The following SNAP91 variants were observed in gnomAD, a reference collection of about 807,000 sequenced individuals.
The protein encoded by SNAP91 is clathrin coat assembly protein AP180.
SNAP91 carries 27 observed loss-of-function variants against 100.3 expected under a neutral mutation model. That is an observed-to-expected ratio of 0.27 (90% CI 0.20 to 0.37). The LOEUF is 0.37. Among genes scored for constraint, SNAP91 ranks in the 10% least tolerant of loss-of-function variants. The probability of loss-of-function intolerance (pLI) is 1.00; values close to 1 mark genes in which losing one functional copy is unlikely to be tolerated. For missense variants in SNAP91, 986 were observed against 1,123.7 expected (o/e 0.88, Z 1.75); for synonymous variants, 404 against 398.6 (o/e 1.01, Z -0.16).
At chr6:83,635,691 T>C (rs2097411488) in intron 8 of SNAP91, among the ~76,000 whole-genome samples, 1 of 152,046 alleles carries the variant, frequency 6.6e-6, no homozygotes, top group Non-Finnish European at 1.5e-5. Flanking sequence ...TTAGTATTCA[T>C]ATGTGAGGTT....
chr6:83,582,552 G>A (rs1406561100), intron 22 of SNAP91, among the ~76,000 whole-genome samples, 196 bp from the exon 23 acceptor site: 1 of 151,290 alleles, frequency 6.6e-6, no homozygotes, highest in Non-Finnish European at 1.5e-5. Context: ...ATTAATGAGA[G>A]ATTTAATTTA....
intron 2 of SNAP91, chr6:83,686,102 G>T: frequency 1.1e-6 from 1 of 921,982 alleles, no homozygotes; most frequent in Non-Finnish European, 1.3e-6. Context: ...TGTTTGTTGT[G>T]AACCTGGAAC....
chr6:83,705,724 T>A (rs181963809), intron 2 of SNAP91, among the ~76,000 whole-genome samples: 7 of 151,642 alleles, frequency 4.6e-5, no homozygotes, highest in Non-Finnish European at 7.4e-5. Context: ...GGCAGGAGAA[T>A]CACTCGAACC....
At chr6:83,654,345 T>C (rs1476038998) in intron 7 of SNAP91, among the ~76,000 whole-genome samples, 3 of 152,182 alleles carry the variant, frequency 2.0e-5, no homozygotes, top group Admixed American at 1.3e-4. Context: ...AGAAGAGCTG[T>C]TGATTTTTCA....
At chr6:83,600,098 A>C (rs2094991814) in intron 16 of SNAP91, among the ~76,000 whole-genome samples, 1 of 152,150 alleles carries the variant, frequency 6.6e-6, no homozygotes, top group African/African-American at 2.4e-5. Context: ...GTGACTCTTT[A>C]TTCAAGGGTC....
intron 12 of SNAP91, 97 bp downstream of exon 12, chr6:83,610,553 A>G (rs1377947958): frequency 9.4e-6 from 4 of 425,372 alleles, no homozygotes; most frequent in African/African-American, 6.2e-5. Flanking sequence ...TTGTACAACA[A>G]TGTTAAGGTA....
chr6:83,699,158 C>A (rs1245169795), intron 2 of SNAP91, among the ~76,000 whole-genome samples: 2 of 152,014 alleles, frequency 1.3e-5, no homozygotes, highest in African/African-American at 2.4e-5. Flanking sequence ...GAAGTACTAG[C>A]CAACATGACC....
At chr6:83,685,181 C>A (rs142878345) in intron 2 of SNAP91, among the ~76,000 whole-genome samples, 1 of 152,162 alleles carries the variant, frequency 6.6e-6, no homozygotes, top group African/African-American at 2.4e-5. Flanking sequence ...CATGTTAACA[C>A]AGTTGCCAGG....
At chr6:83,584,734 G>A (rs548485904) in intron 22 of SNAP91, among the ~76,000 whole-genome samples, 1 of 152,226 alleles carries the variant, frequency 6.6e-6, no homozygotes, top group Admixed American at 6.5e-5. Context: ...ACCCCATGAG[G>A]TTCAAAGATG....
At chr6:83,622,678 C>T (rs2096777177) in intron 9 of SNAP91, among the ~76,000 whole-genome samples, 1 of 150,922 alleles carries the variant, frequency 6.6e-6, no homozygotes, top group Non-Finnish European at 1.5e-5. Context: ...GACCTTGAAT[C>T]TATATATTAG....
chr6:83,667,453 A>G (rs1336830870), intron 2 of SNAP91, among the ~76,000 whole-genome samples: 5 of 152,058 alleles, frequency 3.3e-5, no homozygotes, highest in Non-Finnish European at 5.9e-5. Flanking sequence ...TTGAGTAAGA[A>G]ATTAAAAAGA....
At chr6:83,650,237 T>G (rs2098138108) in intron 7 of SNAP91, among the ~76,000 whole-genome samples, 1 of 152,222 alleles carries the variant, frequency 6.6e-6, no homozygotes, top group Non-Finnish European at 1.5e-5. Flanking sequence ...TTGCAATAGT[T>G]AATAAAATCT....
intron 2 of SNAP91, among the ~76,000 whole-genome samples, chr6:83,693,224 T>C (rs970550691): frequency 6.6e-6 from 1 of 152,204 alleles, no homozygotes; most frequent in Non-Finnish European, 1.5e-5. Flanking sequence ...GATAAATTCC[T>C]TAACCTCCTT....
intron 27 of SNAP91, among the ~76,000 whole-genome samples, 160 bp downstream of exon 27, chr6:83,560,704 A>T (rs1785877157): frequency 1.3e-5 from 2 of 152,216 alleles, no homozygotes; most frequent in African/African-American, 4.8e-5. Flanking sequence ...TTATCACTTC[A>T]TGTGTAGACT....
At chr6:83,650,419 G>A (rs2098147836) in intron 7 of SNAP91, among the ~76,000 whole-genome samples, 1 of 152,022 alleles carries the variant, frequency 6.6e-6, no homozygotes, top group African/African-American at 2.4e-5. Context: ...TAATCTAATA[G>A]TCAAATTAAT....
intron 22 of SNAP91, among the ~76,000 whole-genome samples, chr6:83,583,494 C>A (rs1257307128): frequency 6.6e-6 from 1 of 152,134 alleles, no homozygotes; most frequent in Admixed American, 6.5e-5. Context: ...CGGCTGGAAG[C>A]AAAACATTTC....
intron 26 of SNAP91, among the ~76,000 whole-genome samples, chr6:83,562,479 G>C (rs1277224300): frequency 6.6e-6 from 1 of 152,102 alleles, no homozygotes; most frequent in African/African-American, 2.4e-5. Flanking sequence ...CATCTATTTT[G>C]GATACACCTT....
intron 2 of SNAP91, among the ~76,000 whole-genome samples, chr6:83,685,747 A>G (rs1156790218): frequency 5.3e-5 from 8 of 152,178 alleles, no homozygotes; most frequent in Admixed American, 5.2e-4. Context: ...TGTGCATTAA[A>G]CAAAACTGAG....
intron 2 of SNAP91, among the ~76,000 whole-genome samples, chr6:83,687,003 C>T (rs1279905012): frequency 6.6e-6 from 1 of 152,144 alleles, no homozygotes; most frequent in Middle Eastern, 3.2e-3. Context: ...CTTCATAAAG[C>T]TCAAGTTTAT....
Sources: allele counts gnomAD v4.1 joint callset (sites outside exome capture counted in the v4.1 genomes callset), GRCh38; gene constraint gnomAD v4.1.1; transcripts MANE v1.5; gene names NCBI Gene and HGNC (gene_info 2026-07-23, HGNC 2026-07-21).